Variants in USP40 observed in about 807,000 individuals in gnomAD.
USP40 encodes the protein ubiquitin carboxyl-terminal hydrolase 40.
A neutral mutation model predicts 166.2 loss-of-function variants in USP40; 143 were observed. That is an observed-to-expected ratio of 0.86 (90% confidence interval 0.75 to 0.99). USP40 has a LOEUF of 0.99. USP40 is among the 50% of genes least tolerant of loss of function. The probability of loss-of-function intolerance (pLI) is 0.00; values close to 1 mark genes in which losing one functional copy is unlikely to be tolerated. For missense variants in USP40, 1,444 were observed against 1,479.7 expected (o/e 0.98, Z 0.40); for synonymous variants, 498 against 524.0 (o/e 0.95, Z 0.68).
chr2:233,480,148 C>T lies in USP40; in HGVS notation c.3599+1055G>A, dbSNP rs553289090. 6.6e-6 allele frequency among the ~76,000 whole-genome samples: 1 copy of T among 152,334 alleles called. No homozygotes were observed. Among genetic ancestry groups the T allele is most frequent in the Non-Finnish European group, 1.5e-5 (1 of 68,042 alleles). On this transcript the variant is annotated intron_variant, in intron 31 of 31. Coordinates refer to ENST00000678225, the MANE Select transcript of USP40 (RefSeq NM_001365479.2). This position sits in a 1 kb window ranked among gnomAD's most constrained non-coding sequence, Gnocchi z 4.5. Reference sequence around the variant, plus strand: ...CTGCCCTGCCACCTCCACCTGGGACCTCTCTTCCCCAGACGCCCCCAGTGG... The same window carrying T: ...CTGCCCTGCCACCTCCACCTGGGACTTCTCTTCCCCAGACGCCCCCAGTGG...
chr2:233,483,531 T>G (rs1479485857), intron 30 of USP40, among the ~76,000 whole-genome samples: 1 of 152,072 alleles, frequency 6.6e-6, no homozygotes, highest in East Asian at 1.9e-4. Context: ...AAGTCAAAGA[T>G]TTTCTTATGT....
In USP40 at chr2:233,493,729, C is replaced by A. The variant is rs79823332; in HGVS notation, c.2791-178G>T. On this transcript the variant is annotated intron_variant, in intron 24 of 31. Coordinates refer to ENST00000678225, the MANE Select transcript of USP40 (RefSeq NM_001365479.2). The surrounding 1 kb of genome is among the most constrained non-coding windows in gnomAD (Gnocchi z 4.7). ...GTTTTTACAATCAAAAATTTAAAAT[C>A]ATAAAAATCAGACTTTGGGGTGACT... is the stretch of plus-strand genomic sequence containing the variant. 0.013 allele frequency among the ~76,000 whole-genome samples: 1,944 copies of A among 152,232 alleles called. 39 individuals are homozygous for A. Among genetic ancestry groups the A allele is most frequent in the East Asian group, 0.083 (433 of 5,186 alleles).
chr2:233,562,135 A>G (rs1420938586), intron 3 of USP40, among the ~76,000 whole-genome samples: 4 of 148,502 alleles, frequency 2.7e-5, no homozygotes, highest in Admixed American at 2.7e-4. Flanking sequence ...CTGTAGTTCA[A>G]CCATTGTGGA....
In USP40 at chr2:233,477,344, G is replaced by C. The variant is rs2064229776; in HGVS notation, c.*48C>G. The C allele has an allele frequency of 6.4e-7, 1 of 1,573,340 alleles. No individual in the cohort carries two copies. Among genetic ancestry groups the C allele is most frequent in the Non-Finnish European group, 8.7e-7 (1 of 1,149,336 alleles). ...CCATGCCCAGGAAACCCACGTTTGT[G>C]GCATCAGCCGGAGAGTTCATCGGGA... is the stretch of plus-strand genomic sequence containing the variant. On this transcript the variant is annotated 3_prime_UTR_variant, in exon 32 of 32. Transcript: ENST00000678225.
At chr2:233,496,711 A>G (rs1199001015) in intron 24 of USP40, 47 bp downstream of exon 24, 6 of 1,507,424 alleles carry the variant, frequency 4.0e-6, no homozygotes, top group South Asian at 1.1e-5. Context: ...CTGTAATCAG[A>G]TAACAATTAT....
intron 3 of USP40, chr2:233,560,945 A>T: frequency 1.4e-6 from 1 of 696,554 alleles, no homozygotes; most frequent in Non-Finnish European, 2.6e-6. Flanking sequence ...TTACATGTTT[A>T]TAAAGCAGTA....
At chr2:233,546,878 A>C (rs997224502) in intron 8 of USP40, 28 of 152,202 alleles carry the variant, frequency 1.8e-4, no homozygotes, top group African/African-American at 6.5e-4. Context: ...TAACAACACG[A>C]TAAGGATTGG....
chr2:233,539,533 G>A (rs1304404155), intron 10 of USP40, among the ~76,000 whole-genome samples: 1 of 151,800 alleles, frequency 6.6e-6, no homozygotes, highest in Non-Finnish European at 1.5e-5. Context: ...AAGAGCCAAA[G>A]AAAAAATAAG....
At chr2:233,524,817 G>C (rs891081193) in intron 14 of USP40, among the ~76,000 whole-genome samples, 8 of 152,162 alleles carry the variant, frequency 5.3e-5, no homozygotes, top group African/African-American at 1.9e-4. Flanking sequence ...ACATGACATT[G>C]GAAACAGGAG....
intron 27 of USP40, among the ~76,000 whole-genome samples, chr2:233,489,072 T>G (rs561881692): frequency 1.3e-5 from 2 of 152,278 alleles, no homozygotes; most frequent in African/African-American, 4.8e-5. Context: ...CATTTCTGAG[T>G]GAGAAACAGC....
At chr2:233,519,452 C>G in intron 18 of USP40, 162 bp downstream of exon 18, 1 of 547,892 alleles carries the variant, frequency 1.8e-6, no homozygotes, top group Non-Finnish European at 3.3e-6. Context: ...TATAATGTTT[C>G]AAACAAAAAC....
At position 233,527,798 on chromosome 2, in the gene USP40, C is replaced by T. The variant is rs572367373; in HGVS notation, c.1554-220G>A. ...CAAGAGAAAACTGTTTTAACATAGG[C>T]TGCAATGTTAACTCCATTTCTCTGA... On this transcript the variant is annotated intron_variant, in intron 12 of 31. Coordinates refer to ENST00000678225, the MANE Select transcript of USP40 (RefSeq NM_001365479.2). 9.5e-4 allele frequency among the ~76,000 whole-genome samples: 144 copies of T among 152,268 alleles called. 1 individual carries two copies. The highest frequency in any genetic ancestry group is 3.2e-3 in the African/African-American group (132 of 41,548).
At chr2:233,523,997 C>T (rs552711862) in intron 15 of USP40, among the ~76,000 whole-genome samples, 17 of 152,334 alleles carry the variant, frequency 1.1e-4, no homozygotes, top group African/African-American at 3.6e-4. Context: ...TGACGCACAA[C>T]CTGGTATAAC....
Position 233,485,932 on chromosome 2 carries a change from C to T in USP40, c.3243G>A (p.Glu1081=), listed in dbSNP as rs959003109. ...LLRTQVRIPG[E]RTYAPALDLV... ...GGTCCAGGGCAGGGGCATAGGTCCTCTCACCAGGGATGCGCACCTGTGTCC... is the reference window on the plus strand; with the variant it reads ...GGTCCAGGGCAGGGGCATAGGTCCTTTCACCAGGGATGCGCACCTGTGTCC... The change falls in exon 29 of 32, where the codon GAG becomes GAA. Residue 1081 remains glutamate, a synonymous_variant. Transcript: ENST00000678225. 3.1e-6 allele frequency: 5 copies of T among 1,597,690 alleles called. No homozygotes were observed. Among genetic ancestry groups the T allele is most frequent in the Non-Finnish European group, 4.3e-6 (5 of 1,173,216 alleles).
In USP40 at chr2:233,556,975, G is replaced by T; in HGVS notation, c.426C>A (p.Phe142Leu). 6.2e-7 allele frequency: 1 copy of T among 1,613,904 alleles called. No individual in the cohort carries two copies. Among genetic ancestry groups the T allele is most frequent in the South Asian group, 1.1e-5 (1 of 91,084 alleles). Reference sequence around the variant, plus strand: ...CAACTAAAGAAGTTTCCAAAGCGCTGAAGAGGATTCGATTCAGTTCCTGCA... The same window carrying T: ...CAACTAAAGAAGTTTCCAAAGCGCTTAAGAGGATTCGATTCAGTTCCTGCA... ...HDVQELNRIL[F>L]SALETSLVGT... Residue 142 changes from phenylalanine (F) to leucine (L), a missense_variant, in exon 5 of 32, where the codon TTC becomes TTA. Coordinates refer to ENST00000678225, the MANE Select transcript of USP40 (RefSeq NM_001365479.2).
intron 30 of USP40, among the ~76,000 whole-genome samples, chr2:233,483,624 G>A (rs570038533): frequency 1.3e-5 from 2 of 152,186 alleles, no homozygotes; most frequent in Non-Finnish European, 2.9e-5. Flanking sequence ...GCAGAGGTAA[G>A]TACAGGTTTT....
At chr2:233,517,855 G>T (rs377727549) in intron 18 of USP40, among the ~76,000 whole-genome samples, 3 of 150,834 alleles carry the variant, frequency 2.0e-5, no homozygotes, top group Non-Finnish European at 4.4e-5. Flanking sequence ...CCATAAAAAG[G>T]AATGAATTAA....
chr2:233,561,060 T>C (rs368056472), intron 3 of USP40: 5 of 1,305,840 alleles, frequency 3.8e-6, no homozygotes, highest in African/African-American at 1.5e-5. Flanking sequence ...TATTTGATAA[T>C]TAATAAAATT....
intron 11 of USP40, 48 bp from the exon 12 acceptor site, chr2:233,529,560 G>T (rs755155473): frequency 4.3e-5 from 63 of 1,454,170 alleles, no homozygotes; most frequent in Admixed American, 2.8e-4. Context: ...ATGAAATCTG[G>T]TTGCTGGAAG....
Sources: gnomAD v4.1 joint callset for allele counts (sites outside exome capture counted in the v4.1 genomes callset) on GRCh38, gnomAD v4.1.1 for gene constraint, Gnocchi (gnomAD v3.1) non-coding constraint, MANE v1.5 for transcripts, NCBI Gene and HGNC (gene_info 2026-07-23, HGNC 2026-07-21) for gene names.